Variants in SYTL4 observed in about 807,000 individuals in gnomAD.
SYTL4 encodes synaptotagmin like 4.
In SYTL4, 16 loss-of-function variants were observed where a neutral mutation model predicts 52.7. The observed-to-expected ratio is 0.30, with a 90% CI of 0.21 to 0.46. The LOEUF (loss-of-function observed/expected upper bound fraction) is 0.46. SYTL4 is among the 20% of genes least tolerant of loss of function. SYTL4 has a pLI of 1.00. For synonymous variants in SYTL4, 160 were observed against 186.6 expected, an observed-to-expected ratio of 0.86 and a Z score of 1.16; for missense variants, 423 against 519.9, an observed-to-expected ratio of 0.81 and a Z score of 1.81.
chrX:100,728,910 G>A (rs1400979097), intron 2 of SYTL4, among the ~76,000 whole-genome samples: 3 of 109,848 alleles, frequency 2.7e-5, no homozygotes, highest in Non-Finnish European at 3.8e-5. Context: ...GGTGGCGGGC[G>A]CCTGTAGTTC....
chrX:100,678,613 G>C lies in SYTL4; in HGVS notation c.1659-14C>G. On this transcript the variant is annotated splice_polypyrimidine_tract_variant and intron_variant, in intron 18 of 19. Transcript: ENST00000372989. ...GGAAGGAGGTATCTGGCAGAGGGCG[G>C]GGAGTAATCAACAGCCTACTCAAAG... 1 of 1,186,361 alleles carries C rather than the reference G, an allele frequency of 8.4e-7. No homozygotes were observed.
At chrX:100,680,842 C>T (rs929958657) in intron 17 of SYTL4, among the ~76,000 whole-genome samples, 3 of 111,111 alleles carry the variant, frequency 2.7e-5, no homozygotes, top group African/African-American at 9.8e-5. Flanking sequence ...TCTACACAAC[C>T]GTAGTCACTA....
rs1199497836 is a variant in SYTL4, at chrX:100,691,158, A to C, written c.591T>G (p.Ala197=). ...KLKSGKSALE[A]ESESLDSFTA... ...TGAAGCTATCCAGACTCTCACTCTCAGCTTCCAATGCACTCTTTCCACTTT... is the reference window on the plus strand; with the variant it reads ...TGAAGCTATCCAGACTCTCACTCTCCGCTTCCAATGCACTCTTTCCACTTT... Residue 197 remains alanine, a synonymous_variant, in exon 9 of 20, where the codon GCT becomes GCG. Transcript: ENST00000372989. The C allele has an allele frequency of 8.3e-7, 1 of 1,209,550 alleles. No individual in the cohort carries two copies. The highest frequency in any genetic ancestry group is 2.2e-5 in the Admixed American group (1 of 45,930).
intron 2 of SYTL4, among the ~76,000 whole-genome samples, chrX:100,720,362 T>C (rs750514964): frequency 3.6e-5 from 4 of 112,413 alleles, no homozygotes; most frequent in Non-Finnish European, 7.5e-5. Flanking sequence ...AGGTCATTTA[T>C]ATGTACAAAA....
intron 2 of SYTL4, among the ~76,000 whole-genome samples, chrX:100,723,240 C>G (rs2084377946): frequency 8.9e-6 from 1 of 111,949 alleles, no homozygotes; most frequent in African/African-American, 3.2e-5. Context: ...CTGCCTCAGC[C>G]TGCCGAGTGC....
chrX:100,694,902 C>T (rs2083673735), intron 8 of SYTL4, among the ~76,000 whole-genome samples: 2 of 111,707 alleles, frequency 1.8e-5, no homozygotes, highest in African/African-American at 6.5e-5. Flanking sequence ...CTAGTACTTA[C>T]AAGAGGTGAA....
In SYTL4 at chrX:100,674,801, G is replaced by T. The variant is rs1284679423; in HGVS notation, c.*1227C>A. 1 of 111,817 alleles carries T rather than the reference G, an allele frequency of 8.9e-6. No homozygotes were observed. The highest frequency in any genetic ancestry group is 3.3e-5 in the African/African-American group (1 of 30,752). 9.2% of individuals were successfully genotyped at this position (111,817 alleles called of 1,213,427 possible). On this transcript the variant is annotated 3_prime_UTR_variant, in exon 20 of 20. Transcript: ENST00000372989. ...AACGCTTATGAGAATAGAAAGGTCA[G>T]TTTGATCAATGAGTACCAGAAGATG...
At chrX:100,731,810 T>G (rs2084653916) in intron 1 of SYTL4, among the ~76,000 whole-genome samples, 194 bp downstream of exon 1, 2 of 108,291 alleles carry the variant, frequency 1.8e-5, no homozygotes, top group African/African-American at 3.4e-5. Flanking sequence ...GGGGATGCGG[T>G]CGGGAGAGGC....
At chrX:100,687,443 T>A in intron 13 of SYTL4, 198 bp from the exon 14 acceptor site, 1 of 423,348 alleles carries the variant, frequency 2.4e-6, no homozygotes, top group Non-Finnish European at 4.1e-6. Context: ...GGTGAATGAA[T>A]CAGCTCATGG....
chrX:100,680,696 A>G (rs1276606840), intron 17 of SYTL4, among the ~76,000 whole-genome samples: 1 of 112,022 alleles, frequency 8.9e-6, no homozygotes, highest in Non-Finnish European at 1.9e-5. Flanking sequence ...ATCCAGTTTT[A>G]ATGTTACTTC....
chrX:100,711,434 T>C (rs1487119260), intron 2 of SYTL4, among the ~76,000 whole-genome samples: 1 of 111,698 alleles, frequency 9.0e-6, no homozygotes, highest in Non-Finnish European at 1.9e-5. Flanking sequence ...GCATTCTATA[T>C]GTTCAAAAAG....
At chrX:100,712,265 C>A (rs952634342) in intron 2 of SYTL4, among the ~76,000 whole-genome samples, 38 of 112,063 alleles carry the variant, frequency 3.4e-4, no homozygotes, top group African/African-American at 1.2e-3. Context: ...TTATTTAAAT[C>A]TCTTTTAAAA....
chrX:100,700,760 C>T (rs2083832191), intron 8 of SYTL4, 137 bp downstream of exon 8: 1 of 495,796 alleles, frequency 2.0e-6, no homozygotes, highest in Non-Finnish European at 3.4e-6. Flanking sequence ...TTTTTTCCCT[C>T]CTTTACTATT....
At chrX:100,683,635 AAAAAC>A (rs1313663892) in intron 16 of SYTL4, among the ~76,000 whole-genome samples, 1 of 112,216 alleles carries the variant, frequency 8.9e-6, no homozygotes, top group Non-Finnish European at 1.9e-5. Flanking sequence ...GGAAAAAACA[AAAAAC>A]AAAAACAAAA....
At chrX:100,724,907 G>C (rs2084482841) in intron 2 of SYTL4, among the ~76,000 whole-genome samples, 1 of 105,411 alleles carries the variant, frequency 9.5e-6, no homozygotes, top group Non-Finnish European at 2.0e-5. Context: ...AGAAGGTACT[G>C]TAGTTCTATA....
At chrX:100,718,236 A>AATCAG (rs2084267356) in intron 2 of SYTL4, among the ~76,000 whole-genome samples, 1 of 111,570 alleles carries the variant, frequency 9.0e-6, no homozygotes. Flanking sequence ...TGAGAAATCT[A>AATCAG]ATCAGTATTC....
At chrX:100,688,547 G>T in intron 12 of SYTL4, 104 bp from the exon 13 acceptor site, 6 of 523,989 alleles carry the variant, frequency 1.1e-5, no homozygotes, top group Non-Finnish European at 1.7e-5. Context: ...ATGTGTATGT[G>T]TACGCACACA....
intron 2 of SYTL4, among the ~76,000 whole-genome samples, chrX:100,727,428 G>A: frequency 8.9e-6 from 1 of 112,436 alleles, no homozygotes; most frequent in East Asian, 2.8e-4. Flanking sequence ...CTATCAGATT[G>A]GAAAAAATTA....
At chrX:100,687,478 T>A (rs1049548964) in intron 13 of SYTL4, 19 of 378,496 alleles carry the variant, frequency 5.0e-5, no homozygotes, top group Admixed American at 2.4e-4. Flanking sequence ...TAGCTTCTCT[T>A]CCTCAACTCT....
Sources: allele counts gnomAD v4.1 joint callset (sites outside exome capture counted in the v4.1 genomes callset), GRCh38; gene constraint gnomAD v4.1.1; transcripts MANE v1.5; gene names NCBI Gene and HGNC (gene_info 2026-07-23, HGNC 2026-07-21).